Variants in SEMA6D observed in about 807,000 individuals in gnomAD.
The protein encoded by SEMA6D is semaphorin 6D.
Under a neutral mutation model 106.6 loss-of-function variants are expected in SEMA6D, and 35 were observed. That is an observed-to-expected ratio of 0.33 (90% CI 0.25 to 0.44). The LOEUF (loss-of-function observed/expected upper bound fraction) is 0.44, where lower values mean the gene tolerates loss of function less well. Ranked by LOEUF, SEMA6D falls within the 20% of genes least tolerant of loss-of-function variation. SEMA6D has a pLI of 1.00. For missense variants in SEMA6D, 1,185 were observed against 1,345.9 expected, an observed-to-expected ratio of 0.88 and a Z score of 1.87; for synonymous variants, 499 against 487.7, an observed-to-expected ratio of 1.02 and a Z score of -0.31.
At chr15:47,236,609 A>G (rs2032559229) in intron 1 of SEMA6D, among the ~76,000 whole-genome samples, 1 of 152,154 alleles carries the variant, frequency 6.6e-6, no homozygotes, top group African/African-American at 2.4e-5. Flanking sequence ...ATTATGAGTA[A>G]ATAATTCTGC....
intron 1 of SEMA6D, among the ~76,000 whole-genome samples, chr15:47,746,074 T>C (rs1355169031): frequency 4.6e-5 from 7 of 152,176 alleles, no homozygotes; most frequent in Non-Finnish European, 1.0e-4. Flanking sequence ...TATTTTCAAA[T>C]ACAGAAGGCA....
At chr15:47,515,819 TACG>T (rs1716021831) in intron 3 of SEMA6D, among the ~76,000 whole-genome samples, 1 of 152,200 alleles carries the variant, frequency 6.6e-6, no homozygotes, top group Non-Finnish European at 1.5e-5. Flanking sequence ...GAGGCTGCCT[TACG>T]ACATTTTAAT....
At chr15:47,418,686 A>ACTC (rs974914532) in intron 2 of SEMA6D, among the ~76,000 whole-genome samples, 2 of 152,068 alleles carry the variant, frequency 1.3e-5, no homozygotes, top group African/African-American at 4.8e-5. Context: ...GTAGGAAGAA[A>ACTC]CTCAGGGTGG....
At chr15:47,364,077 A>G (rs1488889850) in intron 1 of SEMA6D, among the ~76,000 whole-genome samples, 7 of 152,212 alleles carry the variant, frequency 4.6e-5, no homozygotes, top group African/African-American at 1.4e-4. Flanking sequence ...GGGTGGGGAC[A>G]CACAGCCAAA....
At chr15:47,766,836 A>C (rs2082368118) in intron 16 of SEMA6D, among the ~76,000 whole-genome samples, 159 bp downstream of exon 16, 1 of 152,166 alleles carries the variant, frequency 6.6e-6, no homozygotes, top group Non-Finnish European at 1.5e-5. Flanking sequence ...ATGGGGATAC[A>C]TTAGAAAAGA....
chr15:47,311,645 T>C (rs2036451246), intron 1 of SEMA6D, among the ~76,000 whole-genome samples: 1 of 152,198 alleles, frequency 6.6e-6, no homozygotes, highest in South Asian at 2.1e-4. Context: ...TTGAAAATCT[T>C]TTTACTTTAA....
chr15:47,765,322 C>G, intron 13 of SEMA6D: 1 of 1,232,124 alleles, frequency 8.1e-7, no homozygotes, highest in South Asian at 2.1e-5. Flanking sequence ...CAGCACCTCT[C>G]TTATCTTGCA....
chr15:47,596,813 G>T (rs2076546107), intron 3 of SEMA6D, among the ~76,000 whole-genome samples: 2 of 151,860 alleles, frequency 1.3e-5, no homozygotes. Flanking sequence ...GTAAGTTCTG[G>T]AACTGTAAAA....
intron 1 of SEMA6D, chr15:47,731,042 A>G (rs1263163280): frequency 8.6e-6 from 5 of 580,788 alleles, no homozygotes; most frequent in Non-Finnish European, 1.5e-5. Context: ...ATGAATGTGC[A>G]TGTAGCTACC....
At position 47,227,183 on chromosome 15, in the gene SEMA6D, ACT is replaced by A. The variant is rs1399111527; in HGVS notation, c.-239+42768_-239+42769del. Among the ~76,000 whole-genome samples, 20 of 152,058 alleles carry A rather than the reference ACT, an allele frequency of 1.3e-4. 1 individual carries two copies. Among genetic ancestry groups the A allele is most frequent in the Admixed American group, 9.9e-4 (15 of 15,222 alleles). On this transcript the variant is annotated intron_variant, in intron 1 of 19. Coordinates refer to the SEMA6D transcript ENST00000558014. ...AAAGTACAATATGATTATTTCATTGACTCTGAGCCATAAAAATATCAAGGAAA... is the reference window on the plus strand; with the variant it reads ...AAAGTACAATATGATTATTTCATTGACTGAGCCATAAAAATATCAAGGAAA...
At chr15:47,460,853 A>G (rs1434140178) in intron 2 of SEMA6D, among the ~76,000 whole-genome samples, 2 of 152,112 alleles carry the variant, frequency 1.3e-5, no homozygotes, top group Non-Finnish European at 2.9e-5. Flanking sequence ...AAAACAGCAG[A>G]TTTAATGACC....
Position 47,771,683 on chromosome 15 carries a change from G to T in SEMA6D, c.3120G>T (p.Thr1040=). The T allele has an allele frequency of 6.2e-7, 1 of 1,614,040 alleles. No individual in the cohort carries two copies. Among genetic ancestry groups the T allele is most frequent in the Non-Finnish European group, 8.5e-7 (1 of 1,179,962 alleles). ...SYTSNGTLPR[T]GLKRTPSLKP... is the part of the protein sequence containing the mutation. ...CCAGTAATGGCACTCTTCCTAGGAC[G>T]GGACTAAAGAGGACGCCGTCCTTAA... The change falls in exon 19 of 19, where the codon ACG becomes ACT. Residue 1040 remains threonine (T), a synonymous_variant. Coordinates refer to ENST00000536845, the MANE Select transcript of SEMA6D (RefSeq NM_001358351.3).
Position 47,672,843 on chromosome 15 carries a change from A to C in SEMA6D, c.-55+71947A>C, listed in dbSNP as rs1021542176. 3.3e-5 allele frequency among the ~76,000 whole-genome samples: 5 copies of C among 152,336 alleles called. No individual in the cohort carries two copies. In the East Asian group the frequency reaches 7.7e-4, roughly 24 times the overall value. On this transcript the variant is annotated intron_variant, in intron 4 of 19. Coordinates refer to the SEMA6D transcript ENST00000558014. ...ACATAATATAACCTAATAATATTTA[A>C]TCATATTAATAATGTAAGTGGCAAA...
chr15:47,697,379 A>G (rs968932971), intron 4 of SEMA6D, among the ~76,000 whole-genome samples: 1 of 152,128 alleles, frequency 6.6e-6, no homozygotes, highest in African/African-American at 2.4e-5. Context: ...TTCCTCTCTG[A>G]ACTCCCACAA....
At chr15:47,656,986 A>G (rs1461584701) in intron 4 of SEMA6D, among the ~76,000 whole-genome samples, 3 of 152,242 alleles carry the variant, frequency 2.0e-5, no homozygotes, top group Non-Finnish European at 4.4e-5. Context: ...TGTAATGTCT[A>G]TAACCCCAGA....
chr15:47,484,035 T>G (rs1226825883), intron 3 of SEMA6D, among the ~76,000 whole-genome samples: 1 of 152,280 alleles, frequency 6.6e-6, no homozygotes, highest in African/African-American at 2.4e-5. Context: ...AGATATTTGC[T>G]TATCTCACCA....
At chr15:47,732,406 A>G (rs998536499) in intron 1 of SEMA6D, among the ~76,000 whole-genome samples, 6 of 152,156 alleles carry the variant, frequency 3.9e-5, no homozygotes, top group Admixed American at 1.3e-4. Flanking sequence ...TGAGAATCCA[A>G]CAGATCAAGA....
At chr15:47,216,676 A>G (rs1180502616) in intron 1 of SEMA6D, among the ~76,000 whole-genome samples, 1 of 152,034 alleles carries the variant, frequency 6.6e-6, no homozygotes, top group African/African-American at 2.4e-5. Context: ...AAAACCTAAT[A>G]CATCAATGGA....
chr15:47,534,203 T>A (rs7162480), intron 3 of SEMA6D, among the ~76,000 whole-genome samples: 16,443 of 151,946 alleles, frequency 0.11, 1,368 homozygotes, highest in African/African-American at 0.23. Flanking sequence ...CTTTTTTTTT[T>A]AAATGGAGAC....
Sources: gnomAD v4.1 joint callset for allele counts (sites outside exome capture counted in the v4.1 genomes callset) on GRCh38, gnomAD v4.1.1 for gene constraint, MANE v1.5 for transcripts, NCBI Gene and HGNC (gene_info 2026-07-23, HGNC 2026-07-21) for gene names.